LMO1: variants seen among roughly 807,000 people sequenced by gnomAD.
LMO1 encodes LIM domain only 1.
Under a neutral mutation model 18.0 loss-of-function variants are expected in LMO1, and 10 were observed. The observed-to-expected ratio is 0.55, with a 90% confidence interval of 0.34 to 0.94. The LOEUF (loss-of-function observed/expected upper bound fraction) is 0.94, where lower values mean the gene tolerates loss of function less well. Among genes scored for constraint, LMO1 ranks in the 40% least tolerant of loss-of-function variants. The pLI is 0.02. For missense variants in LMO1, 183 were observed against 205.7 expected (o/e 0.89, Z 0.68); for synonymous variants, 77 against 77.9 (o/e 0.99, Z 0.06).
At chr11:8,238,993 G>A (rs145475894) in intron 1 of LMO1, among the ~76,000 whole-genome samples, 182 of 152,278 alleles carry the variant, frequency 1.2e-3, no homozygotes, top group Non-Finnish European at 2.0e-3. Flanking sequence ...ATCTTACAGT[G>A]TTATCTCAAT....
At chr11:8,240,668 T>C (rs1846770535) in intron 1 of LMO1, among the ~76,000 whole-genome samples, 1 of 152,024 alleles carries the variant, frequency 6.6e-6, no homozygotes, top group African/African-American at 2.4e-5. Context: ...TTCTCTGTGG[T>C]CCCTTTTAAG....
intron 1 of LMO1, among the ~76,000 whole-genome samples, chr11:8,240,618 C>T (rs1846767725): frequency 6.6e-6 from 1 of 152,066 alleles, no homozygotes; most frequent in Admixed American, 6.5e-5. Flanking sequence ...AGATGGCCAT[C>T]TTCTTGCTGC....
intron 2 of LMO1, among the ~76,000 whole-genome samples, chr11:8,228,514 C>A (rs989689881): frequency 2.6e-5 from 4 of 152,214 alleles, no homozygotes; most frequent in Non-Finnish European, 5.9e-5. Context: ...TTCTTGCCAT[C>A]GGCCCAGGAA....
chr11:8,263,397 G>C lies in LMO1; in HGVS notation c.-35C>G, dbSNP rs765082908. On this transcript the variant is annotated 5_prime_UTR_variant, in exon 1 of 4. Transcript: ENST00000335790. ...TCCGTGTCCAGCCGCAGCTAGGCTC[G>C]GCCGGGAGAAGGGCGCCGACTCGGG... 11 of 1,597,474 alleles carry C rather than the reference G, an allele frequency of 6.9e-6. No homozygotes were observed. Among genetic ancestry groups the C allele is most frequent in the South Asian group, 5.6e-5 (5 of 89,656 alleles).
chr11:8,267,135 GA>G (rs1185160085), upstream of LMO1, among the ~76,000 whole-genome samples: 4 of 152,236 alleles, frequency 2.6e-5, no homozygotes, highest in African/African-American at 9.7e-5. Context: ...AGCAGTTATA[GA>G]TTGTTAGGCC....
intron 2 of LMO1, among the ~76,000 whole-genome samples, chr11:8,228,134 C>A (rs1246274305): frequency 6.6e-6 from 1 of 152,236 alleles, no homozygotes; most frequent in Non-Finnish European, 1.5e-5. Flanking sequence ...CCAAAGGAAG[C>A]GCCAAGGACA....
chr11:8,232,927 G>A (rs929595289), intron 1 of LMO1, among the ~76,000 whole-genome samples: 2 of 152,178 alleles, frequency 1.3e-5, no homozygotes, highest in African/African-American at 4.8e-5. Flanking sequence ...GTTTGTCCTG[G>A]CTCCCGCAGG....
At chr11:8,248,965 G>A (rs1170591485) in intron 1 of LMO1, among the ~76,000 whole-genome samples, 1 of 152,180 alleles carries the variant, frequency 6.6e-6, no homozygotes, top group Non-Finnish European at 1.5e-5. Flanking sequence ...GCCAAAGCTG[G>A]GCTGGGCAAG....
intron 1 of LMO1, among the ~76,000 whole-genome samples, chr11:8,259,161 G>A (rs1847145727): frequency 6.6e-6 from 1 of 152,224 alleles, no homozygotes; most frequent in East Asian, 1.9e-4. Context: ...TTACAGTTGA[G>A]TTAATCTGGG....
chr11:8,232,520 G>C (rs1036330714), intron 1 of LMO1, among the ~76,000 whole-genome samples: 1 of 152,194 alleles, frequency 6.6e-6, no homozygotes, highest in Non-Finnish European at 1.5e-5. Flanking sequence ...GACCAGGGTA[G>C]GGCTCCAAGG....
intron 1 of LMO1, among the ~76,000 whole-genome samples, chr11:8,233,899 T>C (rs1952716005): frequency 6.6e-6 from 1 of 152,196 alleles, no homozygotes; most frequent in Non-Finnish European, 1.5e-5. Context: ...TTTAATGTAC[T>C]CCTGACTTTA....
chr11:8,247,209 G>A (rs759576478), intron 1 of LMO1, among the ~76,000 whole-genome samples: 11 of 152,160 alleles, frequency 7.2e-5, no homozygotes, highest in South Asian at 2.1e-4. Context: ...TGGACACCAC[G>A]AGTACATAAC....
rs61879680 is a variant in LMO1 at position 8,237,597 on chromosome 11, C to T, written c.26-7093G>A. Among the ~76,000 whole-genome samples the T allele has an allele frequency of 4.1e-3, 621 of 152,370 alleles. 4 individuals are homozygous for T. Among genetic ancestry groups the T allele is most frequent in the Non-Finnish European group, 3.7e-3 (254 of 68,046 alleles). ...CAGCCACCCAGAGCACGCTCATTAC[C>T]GCCCCTCTGCACACCCTCTTGCAGG... On this transcript the variant is annotated intron_variant, in intron 1 of 3. Transcript: ENST00000335790.
chr11:8,260,020 G>A (rs529285075), intron 1 of LMO1, among the ~76,000 whole-genome samples: 14 of 152,070 alleles, frequency 9.2e-5, no homozygotes, highest in South Asian at 2.1e-4. Flanking sequence ...TGCAAAGGCC[G>A]TTTATACCCA....
At chr11:8,261,747 C>G (rs1229536723) in intron 1 of LMO1, among the ~76,000 whole-genome samples, 1 of 152,130 alleles carries the variant, frequency 6.6e-6, no homozygotes, top group African/African-American at 2.4e-5. Flanking sequence ...AAATCAAGGT[C>G]TCTTCCCTCC....
chr11:8,237,181 C>A (rs1299649931), intron 1 of LMO1, among the ~76,000 whole-genome samples: 2 of 151,998 alleles, frequency 1.3e-5, no homozygotes, highest in African/African-American at 4.8e-5. Context: ...CTCTGGGTCT[C>A]GGGGGTCTGG....
At chr11:8,238,990 A>T (rs927383949) in intron 1 of LMO1, among the ~76,000 whole-genome samples, 1 of 152,210 alleles carries the variant, frequency 6.6e-6, no homozygotes, top group African/African-American at 2.4e-5. Flanking sequence ...ACCATCTTAC[A>T]GTGTTATCTC....
Position 8,230,255 on chromosome 11 carries a change from G to A in LMO1, c.239+36C>T, listed in dbSNP as rs372866296. 326 of 1,595,774 alleles carry A rather than the reference G, an allele frequency of 2.0e-4. 1 individual carries two copies. Among genetic ancestry groups the A allele is most frequent in the Non-Finnish European group, 2.6e-4 (300 of 1,166,400 alleles). On this transcript the variant is annotated intron_variant, in intron 2 of 3. Coordinates refer to ENST00000335790, the MANE Select transcript of LMO1 (RefSeq NM_002315.3). Reference sequence around the variant, plus strand: ...TGAGGATGGGGAGCTTTCTGAGCAGGACAAGGGCTTGGGAGGCCAGGGTTT... The same window carrying A: ...TGAGGATGGGGAGCTTTCTGAGCAGAACAAGGGCTTGGGAGGCCAGGGTTT...
At chr11:8,237,685 C>T (rs765375540) in intron 1 of LMO1, among the ~76,000 whole-genome samples, 6 of 152,244 alleles carry the variant, frequency 3.9e-5, no homozygotes, top group African/African-American at 1.2e-4. Flanking sequence ...CAGCTCCCCA[C>T]GAGGGCAGGG....
Sources: allele counts gnomAD v4.1 joint callset (sites outside exome capture counted in the v4.1 genomes callset), GRCh38; gene constraint gnomAD v4.1.1; transcripts MANE v1.5; gene names NCBI Gene and HGNC (gene_info 2026-07-23, HGNC 2026-07-21).